CCDC141: variants seen among roughly 807,000 people sequenced by gnomAD.
The protein encoded by CCDC141 is coiled-coil domain-containing protein 141.
A neutral mutation model predicts 181.0 loss-of-function variants in CCDC141; 168 were observed. That is an observed-to-expected ratio of 0.93 (90% CI 0.82 to 1.05). CCDC141 has a LOEUF of 1.05. Ranked by LOEUF, CCDC141 falls within the 50% of genes least tolerant of loss-of-function variation. The probability of loss-of-function intolerance (pLI) is 0.00; values close to 1 mark genes in which losing one functional copy is unlikely to be tolerated. For missense variants in CCDC141, 1,902 were observed against 1,788.5 expected, an observed-to-expected ratio of 1.06 and a Z score of -1.14; for synonymous variants, 666 against 642.3, an observed-to-expected ratio of 1.04 and a Z score of -0.56.
intron 4 of CCDC141, among the ~76,000 whole-genome samples, chr2:178,972,134 G>A (rs190781132): frequency 3.8e-4 from 58 of 151,824 alleles, no homozygotes; most frequent in African/African-American, 1.2e-3. Context: ...CATCCAAGAA[G>A]GAAAAAGAAG....
At chr2:179,005,128 T>G (rs2042086947) in intron 2 of CCDC141, among the ~76,000 whole-genome samples, 1 of 152,232 alleles carries the variant, frequency 6.6e-6, no homozygotes, top group South Asian at 2.1e-4. Context: ...ACTTTAGGAA[T>G]GCTCTATTCA....
At chr2:179,000,416 A>G (rs1210001863) in intron 2 of CCDC141, among the ~76,000 whole-genome samples, 1 of 152,160 alleles carries the variant, frequency 6.6e-6, no homozygotes, top group Non-Finnish European at 1.5e-5. Context: ...TAAAATATTT[A>G]CCTAAAATAA....
rs563550048 is a variant in CCDC141 at position 178,888,625 on chromosome 2, T to C, written c.1309A>G (p.Arg437Gly). ...TGTTCGGTCAGATGATCCACTCGTC[T>C]CTTAATGCACCCCATCATCTCATGG... ...GIHEMMGCIKRRVDHLTEQCS... is the reference protein window; with the variant it reads ...GIHEMMGCIKGRVDHLTEQCS... Residue 437 changes from arginine to glycine, a missense_variant, in exon 9 of 24, where the codon AGA (arginine) becomes GGA (glycine). Physicochemically the swap from Arg to Gly is moderately radical, Grantham distance 125. Coordinates refer to ENST00000443758, the MANE Select transcript of CCDC141 (RefSeq NM_173648.4). 1.9e-6 allele frequency: 3 copies of C among 1,550,802 alleles called. No individual in the cohort carries two copies. The highest frequency in any genetic ancestry group is 2.4e-5 in the East Asian group (1 of 40,924).
chr2:179,046,911 A>AT (rs2043515741), intron 2 of CCDC141, among the ~76,000 whole-genome samples: 2 of 152,144 alleles, frequency 1.3e-5, no homozygotes, highest in South Asian at 4.1e-4. Context: ...CTTCTAAATT[A>AT]TTTTTACCAG....
intron 6 of CCDC141, among the ~76,000 whole-genome samples, chr2:178,943,559 T>C (rs145248560): frequency 1.4e-3 from 210 of 152,304 alleles, no homozygotes; most frequent in African/African-American, 4.5e-3. Flanking sequence ...TACTGTCTAG[T>C]AGTGTTGGCC....
rs1374019199 is a variant in CCDC141, at chr2:178,981,643, T to TAC, written c.226-2969_226-2968insGT. ...CATTGAATGTGTGTGTGTGTATATA[T>TAC]ATATATATATATATACATACATATA... On this transcript the variant is annotated intron_variant, in intron 2 of 23. Coordinates refer to ENST00000443758, the MANE Select transcript of CCDC141 (RefSeq NM_173648.4). 5.7e-5 allele frequency among the ~76,000 whole-genome samples: 5 copies of TAC among 88,082 alleles called. 1 individual carries two copies. Among genetic ancestry groups the TAC allele is most frequent in the African/African-American group, 6.8e-5 (2 of 29,574 alleles). The allele number at this position is 88,082 out of a possible 152,430, so 57.8% of individuals were successfully genotyped here.
At chr2:178,993,240 C>T (rs1174359679) in intron 2 of CCDC141, among the ~76,000 whole-genome samples, 1 of 152,054 alleles carries the variant, frequency 6.6e-6, no homozygotes, top group Non-Finnish European at 1.5e-5. Flanking sequence ...ATGCATTAGT[C>T]CATTTTTACA....
At chr2:178,845,225 A>C (rs1684884662) in intron 22 of CCDC141, among the ~76,000 whole-genome samples, 1 of 152,208 alleles carries the variant, frequency 6.6e-6, no homozygotes, top group African/African-American at 2.4e-5. Context: ...GGGTTGTGTA[A>C]AACATAAAAA....
intron 7 of CCDC141, among the ~76,000 whole-genome samples, chr2:178,917,512 G>T (rs775009664): frequency 6.6e-6 from 1 of 152,162 alleles, no homozygotes; most frequent in African/African-American, 2.4e-5. Context: ...GGGTGTTGAT[G>T]TTGTGATTTT....
chr2:179,012,589 G>A (rs556316121), intron 2 of CCDC141, among the ~76,000 whole-genome samples: 27 of 152,132 alleles, frequency 1.8e-4, no homozygotes, highest in African/African-American at 6.0e-4. Flanking sequence ...ACAAGATAAA[G>A]AAGGAACCCT....
intron 11 of CCDC141, among the ~76,000 whole-genome samples, chr2:178,882,617 T>C (rs1267216180): frequency 6.6e-6 from 1 of 151,994 alleles, no homozygotes; most frequent in Non-Finnish European, 1.5e-5. Context: ...TTAAGAACAT[T>C]GGATGAGATT....
At position 178,830,398 on chromosome 2, in the gene CCDC141, TC is replaced by T. The variant is rs1684204492; in HGVS notation, c.*3774del. ...GAGGTGAGAGATTTTCATGAGTGCT[TC>T]ATTGTTAGGGCCTGATTCGGATTGA... On this transcript the variant is annotated 3_prime_UTR_variant, in exon 24 of 24. Transcript: ENST00000443758. 1 of 152,174 alleles carries T rather than the reference TC, an allele frequency of 6.6e-6. No homozygotes were observed. The highest frequency in any genetic ancestry group is 1.5e-5 in the Non-Finnish European group (1 of 68,044). 9.4% of individuals were successfully genotyped at this position (152,174 alleles called of 1,614,324 possible).
rs1318902304 is a variant in CCDC141 at position 178,944,616 on chromosome 2, T to C, written c.816A>G (p.Leu272=). ...GTGATGAACCTAGACTTTGTTCCTGTAAATTTCTTATAGTTTTCTGAAACC... is the reference window on the plus strand; with the variant it reads ...GTGATGAACCTAGACTTTGTTCCTGCAAATTTCTTATAGTTTTCTGAAACC... ...TCWFQKTIRN[L]QEQSLGSSLS... is the part of the protein sequence containing the mutation. Residue 272 remains leucine, a synonymous_variant, in exon 6 of 24, where the codon TTA becomes TTG. Transcript: ENST00000443758. 2.0e-6 allele frequency: 3 copies of C among 1,529,984 alleles called. No individual in the cohort carries two copies. Among genetic ancestry groups the C allele is most frequent in the Non-Finnish European group, 2.6e-6 (3 of 1,137,634 alleles). The allele number at this position is 1,529,984 out of a possible 1,614,324, so 94.8% of individuals were successfully genotyped here.
chr2:178,872,642 C>G (rs568698408), intron 12 of CCDC141, among the ~76,000 whole-genome samples: 1 of 152,068 alleles, frequency 6.6e-6, no homozygotes, highest in Non-Finnish European at 1.5e-5. Context: ...ATGCGTATAC[C>G]TATACGCATT....
At chr2:179,022,305 C>G (rs1275421118) in intron 2 of CCDC141, among the ~76,000 whole-genome samples, 1 of 152,070 alleles carries the variant, frequency 6.6e-6, no homozygotes, top group Non-Finnish European at 1.5e-5. Context: ...GAATAAAATA[C>G]AAAAATAGCA....
At chr2:178,822,718 T>G in the CCDC141 span, among the ~76,000 whole-genome samples, 1 of 152,172 alleles carries the variant, frequency 6.6e-6, no homozygotes, top group East Asian at 1.9e-4. Context: ...CAGGGCAACA[T>G]CAATGGAGGG....
chr2:179,021,870 A>G (rs1204383140), intron 2 of CCDC141, among the ~76,000 whole-genome samples: 1 of 152,234 alleles, frequency 6.6e-6, no homozygotes, highest in Non-Finnish European at 1.5e-5. Context: ...GAACCAGATC[A>G]GATATTTTCT....
At chr2:179,035,232 C>G (rs2043111795) in intron 2 of CCDC141, among the ~76,000 whole-genome samples, 1 of 152,106 alleles carries the variant, frequency 6.6e-6, no homozygotes, top group Non-Finnish European at 1.5e-5. Context: ...TAAAGAAAAC[C>G]TCTCATAAAT....
chr2:178,963,262 G>C (rs1690484522), intron 4 of CCDC141, among the ~76,000 whole-genome samples: 1 of 152,182 alleles, frequency 6.6e-6, no homozygotes, highest in African/African-American at 2.4e-5. Flanking sequence ...CAAGTTACCA[G>C]GTTGAGGAGT....
Sources: allele counts gnomAD v4.1 joint callset (sites outside exome capture counted in the v4.1 genomes callset), GRCh38; gene constraint gnomAD v4.1.1; transcripts MANE v1.5; gene names NCBI Gene and HGNC (gene_info 2026-07-23, HGNC 2026-07-21).